The following UGT1A7 variants were observed in gnomAD, a reference collection of about 807,000 sequenced individuals.
The protein encoded by UGT1A7 is UDP-glucuronosyltransferase 1A7.
In UGT1A7, 33 loss-of-function variants were observed where a neutral mutation model predicts 45.6. That is an observed-to-expected ratio of 0.72 (90% confidence interval 0.55 to 0.97). UGT1A7 has a LOEUF of 0.97. Ranked by LOEUF, UGT1A7 falls within the 50% of genes least tolerant of loss-of-function variation. The pLI is 0.00. For missense variants in UGT1A7, 684 were observed against 666.2 expected (o/e 1.03, Z -0.29); for synonymous variants, 274 against 250.6 (o/e 1.09, Z -0.88).
At chr2:233,691,463 C>T (rs1253004006) in intron 1 of UGT1A7, 30 of 985,668 alleles carry the variant, frequency 3.0e-5, no homozygotes, top group Non-Finnish European at 3.6e-5. Flanking sequence ...GGCCCCAGAA[C>T]ACCTCCGGTG....
chr2:233,768,371 C>T lies in UGT1A7; in HGVS notation c.1227C>T (p.Thr409=). The T allele has an allele frequency of 6.2e-7, 1 of 1,614,074 alleles. No homozygotes were observed. Among genetic ancestry groups the T allele is most frequent in the South Asian group, 1.1e-5 (1 of 91,082 alleles). ...TGGAGACTAAGGGAGCTGGAGTGAC[C>T]CTGAATGTTCTGGAAATGACTTCTG... is the stretch of plus-strand genomic sequence containing the variant. The part of the protein sequence containing the change: ...KRMETKGAGV[T]LNVLEMTSED... Residue 409 remains threonine, a synonymous_variant, in exon 4 of 5, where the codon ACC becomes ACT. Coordinates refer to ENST00000373426, the MANE Select transcript of UGT1A7 (RefSeq NM_019077.3).
At chr2:233,755,012 G>C in intron 1 of UGT1A7, 1 of 1,294,464 alleles carries the variant, frequency 7.7e-7, no homozygotes, top group Non-Finnish European at 1.0e-6. Flanking sequence ...CCTACTCGAA[G>C]GGGTCCTTGA....
intron 1 of UGT1A7, chr2:233,747,755 C>T: frequency 6.2e-7 from 1 of 1,613,468 alleles, no homozygotes; most frequent in Non-Finnish European, 8.5e-7. Context: ...GTGATTTAGA[C>T]TTTAAGGGCA....
chr2:233,761,671 C>T (rs1489520357), intron 1 of UGT1A7, among the ~76,000 whole-genome samples: 1 of 152,240 alleles, frequency 6.6e-6, no homozygotes, highest in Non-Finnish European at 1.5e-5. Flanking sequence ...ACCAGACAGT[C>T]AGGTTCTGAC....
chr2:233,689,041 A>G (rs1448719900), intron 1 of UGT1A7, among the ~76,000 whole-genome samples: 1 of 152,142 alleles, frequency 6.6e-6, no homozygotes, highest in African/African-American at 2.4e-5. Context: ...ATCCTACTTT[A>G]TGTCTCTTCT....
intron 1 of UGT1A7, chr2:233,690,668 A>G (rs2075002528): frequency 3.2e-6 from 4 of 1,269,734 alleles, no homozygotes; most frequent in South Asian, 1.3e-5. Flanking sequence ...CAACCAGGGC[A>G]GGCCTGGGTC....
rs144483920 is a variant in UGT1A7 at position 233,744,779 on chromosome 2, C to T, written c.856-22255C>T. On this transcript the variant is annotated intron_variant, in intron 1 of 4. Transcript: ENST00000373426. ...ATAGTTTTAACTTTGCAAAATTCTCCTGAAAAATTCTTGGGGATCCCTAGG... is the reference window on the plus strand; with the variant it reads ...ATAGTTTTAACTTTGCAAAATTCTCTTGAAAAATTCTTGGGGATCCCTAGG... Among the ~76,000 whole-genome samples, 38 of 151,988 alleles carry T rather than the reference C, an allele frequency of 2.5e-4. 2 individuals are homozygous for T. In the East Asian group the frequency reaches 6.6e-3, roughly 26 times the overall value.
At chr2:233,740,928 T>C (rs1315246376) in intron 1 of UGT1A7, 1 of 34,774 alleles carries the variant, frequency 2.9e-5, no homozygotes, top group Non-Finnish European at 4.7e-5. Flanking sequence ...CCACAAAAAG[T>C]TTTTTTTTTA....
intron 1 of UGT1A7, among the ~76,000 whole-genome samples, chr2:233,688,000 T>C (rs2074873432): frequency 6.6e-6 from 1 of 152,242 alleles, no homozygotes; most frequent in South Asian, 2.1e-4. Flanking sequence ...TTCTGTGTGC[T>C]CCCAGATACA....
chr2:233,729,669 C>A (rs1433524187), intron 1 of UGT1A7: 1 of 1,613,792 alleles, frequency 6.2e-7, no homozygotes, highest in African/African-American at 1.3e-5. Context: ...GTGATTTAGA[C>A]TTTAAGGGCA....
chr2:233,739,456 G>A (rs1691109479), intron 1 of UGT1A7, among the ~76,000 whole-genome samples: 1 of 152,244 alleles, frequency 6.6e-6, no homozygotes, highest in African/African-American at 2.4e-5. Flanking sequence ...CACAGGGTTG[G>A]AGCTGCCTGA....
intron 1 of UGT1A7, among the ~76,000 whole-genome samples, chr2:233,748,894 A>G (rs1694057054): frequency 6.6e-6 from 1 of 151,670 alleles, no homozygotes; most frequent in Non-Finnish European, 1.5e-5. Context: ...CATGTGTCCA[A>G]GAAGGGAAGT....
At chr2:233,738,664 G>A (rs974057109) in intron 1 of UGT1A7, among the ~76,000 whole-genome samples, 1 of 152,140 alleles carries the variant, frequency 6.6e-6, no homozygotes, top group Non-Finnish European at 1.5e-5. Flanking sequence ...ACGAACTTGA[G>A]AGAGATGATC....
At position 233,767,164 on chromosome 2, in the gene UGT1A7, C is replaced by G. The variant is rs1699322267; in HGVS notation, c.986C>G (p.Thr329Arg). ...GATGCTTTGGGCAAAATCCCTCAGA[C>G]AGTAAGAAGATTCTATACCATGGCC... is the stretch of plus-strand genomic sequence containing the variant. Reference protein sequence around the residue: ...IADALGKIPQTVLWRYTGTRP... With the variant: ...IADALGKIPQRVLWRYTGTRP... The change falls in exon 2 of 5, where the codon ACA (threonine) becomes AGA (arginine). Residue 329 changes from threonine (T) to arginine (R), a missense_variant and splice_region_variant. Transcript: ENST00000373426. The G allele has an allele frequency of 6.2e-7, 1 of 1,614,090 alleles. No homozygotes were observed.
chr2:233,740,036 G>C (rs901292924), intron 1 of UGT1A7, among the ~76,000 whole-genome samples: 3 of 151,764 alleles, frequency 2.0e-5, no homozygotes, highest in Admixed American at 2.0e-4. Context: ...GGTTTTATAA[G>C]GGACTCTTTC....
chr2:233,695,229 G>A (rs1218832857), intron 1 of UGT1A7, among the ~76,000 whole-genome samples: 1 of 151,334 alleles, frequency 6.6e-6, no homozygotes. Context: ...GGGTTCAAGC[G>A]ATTCTCCTGC....
In UGT1A7 at chr2:233,682,176, C is replaced by G. The variant is rs367893933; in HGVS notation, c.239C>G (p.Ser80Ter). 1.3e-5 allele frequency: 21 copies of G among 1,614,122 alleles called. No homozygotes were observed. Among genetic ancestry groups the G allele is most frequent in the Admixed American group, 1.7e-5 (1 of 60,006 alleles). The change falls in exon 1 of 5, where the codon TCA (serine) becomes TGA (stop). Residue 80 changes from serine to a stop codon, truncating the protein, a stop_gained. Transcript: ENST00000373426. LOFTEE classifies it high-confidence loss of function. Reference protein sequence around the residue: ...LNCTVKTYSTSYTLEDQDREF... With the variant: ...LNCTVKTYST ...TGCACAGTGAAGACTTACTCAACCT[C>G]ATACACTCTGGAGGATCAGGACCGG...
At chr2:233,690,764 C>T in intron 1 of UGT1A7, 1 of 1,095,494 alleles carries the variant, frequency 9.1e-7, no homozygotes, top group Non-Finnish European at 1.1e-6. Flanking sequence ...CAGACATACA[C>T]ACACACACAC....
intron 1 of UGT1A7, among the ~76,000 whole-genome samples, chr2:233,710,483 T>A (rs375891523): frequency 3.9e-5 from 6 of 152,358 alleles, no homozygotes; most frequent in South Asian, 4.1e-4. Flanking sequence ...AGAATTTCAT[T>A]GGGTTTGAAT....
Sources: gnomAD v4.1 joint callset for allele counts (sites outside exome capture counted in the v4.1 genomes callset) on GRCh38, gnomAD v4.1.1 for gene constraint, MANE v1.5 for transcripts, NCBI Gene and HGNC (gene_info 2026-07-23, HGNC 2026-07-21) for gene names.